The following RNF121 variants were observed in gnomAD, a reference collection of about 807,000 sequenced individuals.
The protein encoded by RNF121 is ring finger protein 121, also known as E3 ubiquitin ligase RNF121.
RNF121 carries 21 observed loss-of-function variants against 46.5 expected under a neutral mutation model. That is an observed-to-expected ratio of 0.45 (90% CI 0.32 to 0.65). The LOEUF is 0.65. Ranked by LOEUF, RNF121 falls within the 30% of genes least tolerant of loss-of-function variation. The pLI is 0.04. For synonymous variants in RNF121, 139 were observed against 144.7 expected, an observed-to-expected ratio of 0.96 and a Z score of 0.28; for missense variants, 346 against 416.0, an observed-to-expected ratio of 0.83 and a Z score of 1.46.
chr11:71,971,804 G>A (rs1041080223), intron 3 of RNF121, among the ~76,000 whole-genome samples: 2 of 152,232 alleles, frequency 1.3e-5, no homozygotes, highest in African/African-American at 4.8e-5. Context: ...ATCAAAGGCT[G>A]TAGGAGCTTT....
chr11:71,937,282 C>G (rs1258509013), intron 1 of RNF121, among the ~76,000 whole-genome samples: 1 of 152,120 alleles, frequency 6.6e-6, no homozygotes. Flanking sequence ...CAGTGGCTAG[C>G]ATGGAGTAGT....
intron 1 of RNF121, among the ~76,000 whole-genome samples, chr11:71,944,834 C>G (rs955030835): frequency 1.3e-5 from 2 of 152,188 alleles, no homozygotes; most frequent in African/African-American, 4.8e-5. Flanking sequence ...TCTAGGCCTT[C>G]TGGTACTACC....
At chr11:71,990,408 G>A (rs1715054840) in intron 5 of RNF121, among the ~76,000 whole-genome samples, 189 bp from the exon 6 acceptor site, 1 of 152,198 alleles carries the variant, frequency 6.6e-6, no homozygotes. Context: ...GTGCTAGCTA[G>A]CCTCCTCAAG....
At chr11:71,984,784 A>G (rs1466621795) in intron 4 of RNF121, among the ~76,000 whole-genome samples, 2 of 126,084 alleles carry the variant, frequency 1.6e-5, no homozygotes, top group East Asian at 2.3e-4. Flanking sequence ...TATTTTTAGT[A>G]GAGACAGGGT....
intron 2 of RNF121, among the ~76,000 whole-genome samples, chr11:71,958,880 A>C (rs142113834): frequency 1.3e-5 from 2 of 152,318 alleles, no homozygotes; most frequent in African/African-American, 4.8e-5. Flanking sequence ...TCTTTTCTAG[A>C]TCATTCTTTG....
chr11:71,993,672 G>A (rs1370699223), intron 6 of RNF121, among the ~76,000 whole-genome samples: 1 of 152,102 alleles, frequency 6.6e-6, no homozygotes, highest in African/African-American at 2.4e-5. Flanking sequence ...GTTTAAGTGT[G>A]TTTAGTCCCT....
intron 1 of RNF121, among the ~76,000 whole-genome samples, chr11:71,954,742 T>C (rs1408466712): frequency 6.6e-6 from 1 of 152,220 alleles, no homozygotes; most frequent in Non-Finnish European, 1.5e-5. Context: ...TTTGGTTTCT[T>C]GAACAGGTAG....
chr11:71,986,868 A>G (rs1954782207), intron 4 of RNF121, 136 bp from the exon 5 acceptor site: 2 of 627,246 alleles, frequency 3.2e-6, no homozygotes, highest in African/African-American at 3.7e-5. Flanking sequence ...TTTGGATAGT[A>G]ACTGAAGTTG....
Position 71,951,550 on chromosome 11 carries a change from C to A in RNF121, c.64-5677C>A, listed in dbSNP as rs188116076. Among the ~76,000 whole-genome samples, 15 of 150,958 alleles carry A rather than the reference C, an allele frequency of 9.9e-5. No homozygotes were observed. In the East Asian group the frequency reaches 2.9e-3, roughly 30 times the overall value. On this transcript the variant is annotated intron_variant, in intron 1 of 8. Transcript: ENST00000361756. The stretch of plus-strand genomic sequence containing the variant: ...CTGGGGTGGGAGGATTGCTTGAGCC[C>A]AGGGATTTGAGGCTCTAATGTACAA...
chr11:71,982,731 A>T, intron 3 of RNF121, 30 bp from the exon 4 acceptor site: 1 of 1,584,030 alleles, frequency 6.3e-7, no homozygotes, highest in Non-Finnish European at 8.6e-7. Context: ...GGAGCTGGCC[A>T]GAGCTGAAGT....
chr11:71,995,628 C>A, intron 8 of RNF121, 77 bp downstream of exon 8: 1 of 1,156,362 alleles, frequency 8.6e-7, no homozygotes, highest in East Asian at 2.6e-5. Flanking sequence ...CATTTGGGTC[C>A]TCCTGGGGCC....
chr11:71,968,687 G>A (rs748592774), intron 3 of RNF121, among the ~76,000 whole-genome samples: 21 of 152,154 alleles, frequency 1.4e-4, no homozygotes, highest in Non-Finnish European at 2.8e-4. Context: ...TGTTCAGTCA[G>A]TAGATATTCG....
intron 5 of RNF121, 48 bp downstream of exon 5, chr11:71,987,159 C>G (rs1324632296): frequency 7.6e-6 from 9 of 1,184,902 alleles, no homozygotes; most frequent in Non-Finnish European, 1.0e-5. Flanking sequence ...GGAGGAGTGA[C>G]TGTTGAGATG....
chr11:71,952,572 G>T (rs1417172220), intron 1 of RNF121, among the ~76,000 whole-genome samples: 3 of 152,168 alleles, frequency 2.0e-5, no homozygotes, highest in Non-Finnish European at 4.4e-5. Flanking sequence ...ACTTTGGGAG[G>T]CTGAGGCAGG....
At chr11:71,951,488 TCAGCTACTTGGGAGGTAGTCC>T (rs1467135196) in intron 1 of RNF121, among the ~76,000 whole-genome samples, 1 of 151,904 alleles carries the variant, frequency 6.6e-6, no homozygotes, top group African/African-American at 2.4e-5. Flanking sequence ...TGAGGTAGTC[TCAGCTACTTGGGAGGTAGTCC>T]CAGCTACTTG....
chr11:71,994,484 C>T (rs747467128), intron 6 of RNF121, among the ~76,000 whole-genome samples: 1 of 152,104 alleles, frequency 6.6e-6, no homozygotes, highest in Non-Finnish European at 1.5e-5. Context: ...TCTAACTTCC[C>T]AACTGTCTCT....
intron 1 of RNF121, among the ~76,000 whole-genome samples, chr11:71,945,619 T>C (rs191716562): frequency 3.3e-5 from 5 of 152,316 alleles, no homozygotes; most frequent in African/African-American, 9.6e-5. Context: ...ATTGAACACA[T>C]ACAGTATACC....
intron 1 of RNF121, among the ~76,000 whole-genome samples, chr11:71,940,894 C>CA (rs1202569223): frequency 6.6e-5 from 10 of 152,164 alleles, no homozygotes; most frequent in African/African-American, 2.2e-4. Flanking sequence ...AATAGGTAGT[C>CA]AAAATCAGTG....
intron 3 of RNF121, among the ~76,000 whole-genome samples, chr11:71,972,500 A>T (rs190823765): frequency 6.6e-6 from 1 of 152,064 alleles, no homozygotes; most frequent in African/African-American, 2.4e-5. Flanking sequence ...TGGGCATCCA[A>T]TGACCACTGA....
Sources: gnomAD v4.1 joint callset for allele counts (sites outside exome capture counted in the v4.1 genomes callset) on GRCh38, gnomAD v4.1.1 for gene constraint, MANE v1.5 for transcripts, NCBI Gene and HGNC (gene_info 2026-07-23, HGNC 2026-07-21) for gene names.